Variants in CPAMD8 observed in about 807,000 individuals in gnomAD.
CPAMD8 encodes C3 and PZP-like alpha-2-macroglobulin domain-containing protein 8.
In CPAMD8, 146 loss-of-function variants were observed where a neutral mutation model predicts 224.7. The ratio of observed to expected loss-of-function variants is 0.65; its 90% CI spans 0.57 to 0.75. The LOEUF is 0.75. Among genes scored for constraint, CPAMD8 ranks in the 30% least tolerant of loss-of-function variants. The pLI is 0.00. For missense variants in CPAMD8, 2,301 were observed against 2,537.5 expected (o/e 0.91, Z 2.00); for synonymous variants, 966 against 1,044.6 (o/e 0.92, Z 1.45).
Position 16,893,160 on chromosome 19 carries a change from T to C in CPAMD8, c.5606A>G (p.Gln1869Arg), listed in dbSNP as rs571006149. 2 of 1,589,812 alleles carry C rather than the reference T, an allele frequency of 1.3e-6. No individual in the cohort carries two copies. The highest frequency in any genetic ancestry group is 1.3e-5 in the African/African-American group (1 of 74,582). Residue 1869 changes from glutamine (Q) to arginine (R), a missense_variant, in exon 42 of 42, where the codon CAG becomes CGG. Physicochemically the swap from Gln to Arg is conservative, Grantham distance 43. Transcript: ENST00000443236. ...SPVFVYSPAF[Q>R]SGGEEGLWMS... ...CCATAAACCCTCCTCCCCACCACTC[T>C]GAAAGGCTGGGCTGTAGACGAAGAC...
rs3067791 is a variant in CPAMD8, at chr19:16,990,863, C to CAAAAAAAA, written c.1267-1100_1267-1093dup. 9.3e-4 allele frequency among the ~76,000 whole-genome samples: 68 copies of CAAAAAAAA among 73,138 alleles called. 2 individuals are homozygous for CAAAAAAAA. Among genetic ancestry groups the CAAAAAAAA allele is most frequent in the African/African-American group, 3.4e-3 (57 of 16,596 alleles). 48.0% of individuals were successfully genotyped at this position (73,138 alleles called of 152,430 possible). ...GGGCAATAAGAGCAAAACTCTGTCT[C>CAAAAAAAA]AAAAAAAAAAAAAAAAAAAAAAAAA... On this transcript the variant is annotated intron_variant, in intron 12 of 41. Transcript: ENST00000443236.
chr19:16,925,344 G>A lies in CPAMD8; in HGVS notation c.3399C>T (p.His1133=). The change falls in exon 26 of 42, where the codon CAC becomes CAT. Residue 1133 remains histidine (H), a synonymous_variant. Transcript: ENST00000443236. The stretch of plus-strand genomic sequence containing the variant: ...ACGGCAGCCGCAGGAGGTTGTTGAG[G>A]TGGTTCAGGGTTGGCCCCATGACGT... ...IGDVMGPTLN[H]LNNLLRLPFG... 6.2e-7 allele frequency: 1 copy of A among 1,614,216 alleles called. No individual in the cohort carries two copies. Among genetic ancestry groups the A allele is most frequent in the Non-Finnish European group, 8.5e-7 (1 of 1,180,036 alleles).
chr19:16,945,524 A>C (rs770179126), intron 22 of CPAMD8, 25 bp downstream of exon 22: 48 of 1,610,000 alleles, frequency 3.0e-5, no homozygotes, highest in Non-Finnish European at 4.1e-5. Context: ...CTGGCTAAGC[A>C]CCAGAGATGA....
chr19:16,896,249 C>A lies in CPAMD8; in HGVS notation c.5353G>T (p.Asp1785Tyr). 6.2e-7 allele frequency: 1 copy of A among 1,613,696 alleles called. No homozygotes were observed. The highest frequency in any genetic ancestry group is 8.5e-7 in the Non-Finnish European group (1 of 1,180,012). The change falls in exon 41 of 42, where the codon GAC becomes TAC. Residue 1785 changes from aspartate (D) to tyrosine (Y), a missense_variant. Physicochemically the swap from Asp to Tyr is radical, Grantham distance 160. Around this residue, in one of 4 missense-constraint regions of CPAMD8, gnomAD observed 1,709 missense variants for 1,753.2 expected, o/e 0.97. Coordinates refer to ENST00000443236, the MANE Select transcript of CPAMD8 (RefSeq NM_015692.5). ...AGGCCGGCTCCATTCAGCTTCACGTCCTGCTGTAAAGGCCCCGGGGCCACA... is the reference window on the plus strand; with the variant it reads ...AGGCCGGCTCCATTCAGCTTCACGTACTGCTGTAAAGGCCCCGGGGCCACA... Reference protein sequence around the residue: ...ASVAPGPLQQDVKLNGAGLEV... With the variant: ...ASVAPGPLQQYVKLNGAGLEV...
chr19:16,906,803 G>A (rs1353155794), intron 30 of CPAMD8, 149 bp downstream of exon 30: 5 of 774,570 alleles, frequency 6.5e-6, no homozygotes, highest in Admixed American at 2.4e-5. Flanking sequence ...TCCGCCTCCC[G>A]GGTTCAAGCG....
chr19:16,930,580 G>C (rs572679193), intron 23 of CPAMD8, among the ~76,000 whole-genome samples: 1 of 152,268 alleles, frequency 6.6e-6, no homozygotes, highest in African/African-American at 2.4e-5. Flanking sequence ...TGGGGGCCGG[G>C]AGTAGCTCCC....
intron 22 of CPAMD8, among the ~76,000 whole-genome samples, chr19:16,940,919 AC>A (rs1283160758): frequency 1.3e-5 from 2 of 152,062 alleles, no homozygotes; most frequent in Admixed American, 6.6e-5. Flanking sequence ...GGCCATTGTA[AC>A]CCACGGTAGT....
Position 17,011,725 on chromosome 19 carries a change from C to T in CPAMD8, c.300G>A (p.Leu100=), listed in dbSNP as rs1466320581. 1.2e-6 allele frequency: 2 copies of T among 1,613,900 alleles called. No individual in the cohort carries two copies. Among genetic ancestry groups the T allele is most frequent in the African/African-American group, 1.3e-5 (1 of 74,924 alleles). The stretch of plus-strand genomic sequence containing the variant: ...CCTGCCAGCCGCGGCCCCACACTTT[C>T]AGAAGCGCTTGGCCCCGGAGGCCCG... The part of the protein sequence containing the change: ...VPTGLRGQAL[L]KVWGRGWQAE... The change falls in exon 4 of 42, where the codon CTG becomes CTA. Residue 100 remains leucine, a synonymous_variant. Coordinates refer to ENST00000443236, the MANE Select transcript of CPAMD8 (RefSeq NM_015692.5).
At chr19:16,894,202 C>A (rs2051868243) in intron 41 of CPAMD8, 2 of 293,178 alleles carry the variant, frequency 6.8e-6, no homozygotes, top group Admixed American at 3.9e-5. Flanking sequence ...CTCCAGCTGT[C>A]CCCCCTGCAC....
chr19:16,955,860 A>G (rs2054454956), intron 19 of CPAMD8, among the ~76,000 whole-genome samples: 1 of 151,984 alleles, frequency 6.6e-6, no homozygotes, highest in Non-Finnish European at 1.5e-5. Flanking sequence ...AATTTTTTTT[A>G]GAGATGGGGC....
At chr19:16,941,586 A>G (rs1385177316) in intron 22 of CPAMD8, among the ~76,000 whole-genome samples, 7 of 152,154 alleles carry the variant, frequency 4.6e-5, no homozygotes, top group African/African-American at 1.7e-4. Context: ...ATGTTGGAAG[A>G]GGGGCCTGGT....
intron 18 of CPAMD8, among the ~76,000 whole-genome samples, chr19:16,970,254 A>AAG (rs2055011585): frequency 6.7e-6 from 1 of 148,342 alleles, no homozygotes; most frequent in Non-Finnish European, 1.5e-5. Context: ...AAAAAAAAAA[A>AAG]AAGAAAGAAA....
At chr19:16,994,608 C>T (rs1245926989) in intron 11 of CPAMD8, among the ~76,000 whole-genome samples, 1 of 146,260 alleles carries the variant, frequency 6.8e-6, no homozygotes, top group African/African-American at 2.5e-5. Context: ...GCTGCCTCTA[C>T]CTCCTGGGCT....
intron 11 of CPAMD8, among the ~76,000 whole-genome samples, chr19:16,996,421 C>T (rs993816686): frequency 1.3e-5 from 2 of 152,142 alleles, no homozygotes; most frequent in African/African-American, 2.4e-5. Context: ...GGGTGGGAGG[C>T]AGAGGCTCGT....
At chr19:16,958,031 G>A (rs1054429525) in intron 18 of CPAMD8, 116 bp from the exon 19 acceptor site, 1 of 922,106 alleles carries the variant, frequency 1.1e-6, no homozygotes, top group Non-Finnish European at 1.7e-6. Flanking sequence ...CTTTTACCTG[G>A]AAGGGTTAAC....
At position 16,902,643 on chromosome 19, in the gene CPAMD8, C is replaced by T. The variant is rs1186468596; in HGVS notation, c.4685+6G>A. On this transcript the variant is annotated splice_donor_region_variant and intron_variant, in intron 35 of 41. Coordinates refer to ENST00000443236, the MANE Select transcript of CPAMD8 (RefSeq NM_015692.5). ...ATGCCCACGCCAGCAGGGCAGGTGG[C>T]CTTACCTGGTGCACACCTCCAGCAT... 1 of 1,592,068 alleles carries T rather than the reference C, an allele frequency of 6.3e-7. No individual in the cohort carries two copies. Among genetic ancestry groups the T allele is most frequent in the South Asian group, 1.1e-5 (1 of 89,970 alleles).
At chr19:16,905,361 C>T (rs2052429042) in intron 30 of CPAMD8, among the ~76,000 whole-genome samples, 1 of 151,036 alleles carries the variant, frequency 6.6e-6, no homozygotes, top group Non-Finnish European at 1.5e-5. Context: ...AGGCGGATCA[C>T]CTGAGGTCAG....
chr19:17,014,224 T>A (rs1568604315), intron 3 of CPAMD8, among the ~76,000 whole-genome samples: 1 of 151,992 alleles, frequency 6.6e-6, no homozygotes, highest in South Asian at 2.1e-4. Flanking sequence ...GCTAATTTAT[T>A]TTATTTTATT....
intron 18 of CPAMD8, among the ~76,000 whole-genome samples, chr19:16,969,956 C>T (rs1055003312): frequency 6.6e-6 from 1 of 151,112 alleles, no homozygotes; most frequent in African/African-American, 2.4e-5. Context: ...CTATTATTGC[C>T]AGGCGCAGTG....
Sources: gnomAD v4.1 joint callset for allele counts (sites outside exome capture counted in the v4.1 genomes callset) on GRCh38, gnomAD v4.1.1 for gene constraint, gnomAD v4.1.1 regional missense constraint, MANE v1.5 for transcripts, NCBI Gene and HGNC (gene_info 2026-07-23, HGNC 2026-07-21) for gene names.